Variants in ADHFE1 observed in about 807,000 individuals in gnomAD.
ADHFE1 encodes hydroxyacid-oxoacid transhydrogenase, mitochondrial.
A neutral mutation model predicts 54.8 loss-of-function variants in ADHFE1; 37 were observed. The observed-to-expected ratio is 0.68, with a 90% CI of 0.52 to 0.89. The LOEUF is 0.89. ADHFE1 is among the 40% of genes least tolerant of loss of function. The probability of loss-of-function intolerance (pLI) is 0.00; values close to 1 mark genes in which losing one functional copy is unlikely to be tolerated. For missense variants in ADHFE1, 601 were observed against 591.2 expected (o/e 1.02, Z -0.17); for synonymous variants, 203 against 229.3 (o/e 0.89, Z 1.04).
intron 2 of ADHFE1, among the ~76,000 whole-genome samples, chr8:66,442,374 G>A (rs1269063660): frequency 2.7e-5 from 4 of 148,148 alleles, no homozygotes; most frequent in Admixed American, 6.8e-5. Context: ...GCAGTGGCGC[G>A]ATCTCGGCTC....
chr8:66,435,293 G>A (rs554261740), intron 1 of ADHFE1, among the ~76,000 whole-genome samples: 10 of 152,286 alleles, frequency 6.6e-5, no homozygotes, highest in East Asian at 1.9e-4. Flanking sequence ...CAGTTCCAGA[G>A]GTCAAAAGTC....
intron 13 of ADHFE1, among the ~76,000 whole-genome samples, chr8:66,463,447 C>T (rs1373686446): frequency 6.6e-6 from 1 of 152,206 alleles, no homozygotes; most frequent in Non-Finnish European, 1.5e-5. Flanking sequence ...ATCATGTTTT[C>T]ATGATTCAGA....
At chr8:66,446,776 C>T (rs1806055192) in intron 6 of ADHFE1, among the ~76,000 whole-genome samples, 1 of 152,186 alleles carries the variant, frequency 6.6e-6, no homozygotes, top group Non-Finnish European at 1.5e-5. Flanking sequence ...GGACATCATA[C>T]ATGCATGCTA....
intron 10 of ADHFE1, among the ~76,000 whole-genome samples, chr8:66,456,196 C>T (rs1043341031): frequency 3.9e-5 from 6 of 152,182 alleles, no homozygotes; most frequent in African/African-American, 1.4e-4. Context: ...TTCTTGATGT[C>T]AACTAAATCT....
intron 1 of ADHFE1, among the ~76,000 whole-genome samples, chr8:66,435,857 TC>T (rs1805434911): frequency 6.6e-6 from 1 of 151,232 alleles, no homozygotes; most frequent in Non-Finnish European, 1.5e-5. Context: ...AGTCTTCCCA[TC>T]TTGGCCTCCC....
At chr8:66,454,980 G>C (rs1806501994) in intron 10 of ADHFE1, among the ~76,000 whole-genome samples, 1 of 152,010 alleles carries the variant, frequency 6.6e-6, no homozygotes, top group South Asian at 2.1e-4. Flanking sequence ...ACCCCTCAAA[G>C]TGCTGGAATT....
In ADHFE1 at chr8:66,457,053, A is replaced by C; in HGVS notation, c.1066-17A>C. On this transcript the variant is annotated splice_polypyrimidine_tract_variant and intron_variant, in intron 11 of 13. Coordinates refer to ENST00000396623, the MANE Select transcript of ADHFE1 (RefSeq NM_144650.3). ...AGCTTTGTCATCTGCCGGTCACCGC[A>C]TTTCGTTTCTCCCCAGCCCCATGGC... 2 of 1,608,868 alleles carry C rather than the reference A, an allele frequency of 1.2e-6. No homozygotes were observed. Among genetic ancestry groups the C allele is most frequent in the Non-Finnish European group, 1.7e-6 (2 of 1,176,840 alleles).
intron 12 of ADHFE1, among the ~76,000 whole-genome samples, chr8:66,458,247 T>C (rs1233862000): frequency 2.6e-5 from 4 of 152,246 alleles, no homozygotes; most frequent in Non-Finnish European, 4.4e-5. Flanking sequence ...AACTTCATTA[T>C]GCTCTCCTAG....
At chr8:66,456,985 A>C in intron 11 of ADHFE1, 85 bp from the exon 12 acceptor site, 1 of 1,503,804 alleles carries the variant, frequency 6.6e-7, no homozygotes, top group South Asian at 1.3e-5. Flanking sequence ...TGCTTAGAGT[A>C]TGGGGTAAAG....
At position 66,451,978 on chromosome 8, in the gene ADHFE1, C is replaced by A. The variant is rs769679865; in HGVS notation, c.760C>A (p.Leu254Met). Residue 254 changes from leucine to methionine, a missense_variant, in exon 9 of 14, where the codon CTG (leucine) becomes ATG (methionine). Coordinates refer to ENST00000396623, the MANE Select transcript of ADHFE1 (RefSeq NM_144650.3). ...CCATGCCCTGGAGTCATACACCACC[C>A]TGCCCTACCACCTGCGGAGCCCCTG... is the stretch of plus-strand genomic sequence containing the variant. Reference protein sequence around the residue: ...LCHALESYTTLPYHLRSPCPS... With the variant: ...LCHALESYTTMPYHLRSPCPS... The A allele has an allele frequency of 6.2e-7, 1 of 1,614,182 alleles. No individual in the cohort carries two copies. Among genetic ancestry groups the A allele is most frequent in the Non-Finnish European group, 8.5e-7 (1 of 1,180,032 alleles).
intron 10 of ADHFE1, among the ~76,000 whole-genome samples, chr8:66,455,800 G>C (rs1233923862): frequency 6.6e-6 from 1 of 152,150 alleles, no homozygotes; most frequent in Non-Finnish European, 1.5e-5. Context: ...GTGCATGCCT[G>C]TAGTCCCAGC....
rs1805672981 is a variant in ADHFE1 at position 66,440,133 on chromosome 8, TTTTTTGCTGTCG to T, written c.60-23_60-12del. 6.2e-7 allele frequency: 1 copy of T among 1,608,790 alleles called. No individual in the cohort carries two copies. Among genetic ancestry groups the T allele is most frequent in the African/African-American group, 1.3e-5 (1 of 74,408 alleles). On this transcript the variant is annotated splice_polypyrimidine_tract_variant and intron_variant, in intron 1 of 13. Transcript: ENST00000396623. Reference sequence around the variant, plus strand: ...TTGGTCTCTATTTTCACCTTAGGTTTTTTTTGCTGTCGTTTTTATTTTCCCTAGGTGCCAGTG... The same window carrying T: ...TTGGTCTCTATTTTCACCTTAGGTTTTTTTTATTTTCCCTAGGTGCCAGTG...
intron 1 of ADHFE1, 36 bp from the exon 2 acceptor site, chr8:66,440,126 T>G (rs1012231411): frequency 1.9e-6 from 3 of 1,605,958 alleles, no homozygotes; most frequent in African/African-American, 1.3e-5. Flanking sequence ...TATTTTCACC[T>G]TAGGTTTTTT....
At chr8:66,454,552 C>T (rs1806472321) in intron 10 of ADHFE1, among the ~76,000 whole-genome samples, 1 of 151,988 alleles carries the variant, frequency 6.6e-6, no homozygotes, top group South Asian at 2.1e-4. Context: ...TTAAAATGTA[C>T]AGAACATTAG....
At chr8:66,438,459 C>T (rs979260453) in intron 1 of ADHFE1, among the ~76,000 whole-genome samples, 2 of 152,084 alleles carry the variant, frequency 1.3e-5, no homozygotes, top group African/African-American at 4.8e-5. Context: ...AAGTAGGGGT[C>T]CTGGGAGCCA....
chr8:66,454,246 T>G, intron 10 of ADHFE1, 89 bp downstream of exon 10: 1 of 1,275,428 alleles, frequency 7.8e-7, no homozygotes, highest in East Asian at 2.4e-5. Flanking sequence ...TGGTAAAATT[T>G]AAATATGCTA....
In ADHFE1 at chr8:66,468,445, A is replaced by G. The variant is rs545153791; in HGVS notation, c.*93A>G. On this transcript the variant is annotated 3_prime_UTR_variant, in exon 14 of 14. Transcript: ENST00000396623. The stretch of plus-strand genomic sequence containing the variant: ...GGGCTTTGTCTTTTCATCTTTGCGC[A>G]TAACTTACCTGTTACCAGTATAGGT... 1.0e-5 allele frequency: 10 copies of G among 980,576 alleles called. No homozygotes were observed. The highest frequency in any genetic ancestry group is 1.7e-5 in the African/African-American group (1 of 58,788). 60.7% of individuals were successfully genotyped at this position (980,576 alleles called of 1,614,324 possible).
intron 13 of ADHFE1, among the ~76,000 whole-genome samples, chr8:66,466,252 T>G (rs1730591458): frequency 6.9e-6 from 1 of 145,148 alleles, no homozygotes; most frequent in Non-Finnish European, 1.5e-5. Context: ...TTTTTTTTTT[T>G]TTTTTGTATT....
At chr8:66,454,387 T>C (rs1806463551) in intron 10 of ADHFE1, among the ~76,000 whole-genome samples, 1 of 152,196 alleles carries the variant, frequency 6.6e-6, no homozygotes, top group Non-Finnish European at 1.5e-5. Context: ...ATGTATTCTT[T>C]TGTGTTCCTA....
Sources: allele counts gnomAD v4.1 joint callset (sites outside exome capture counted in the v4.1 genomes callset), GRCh38; gene constraint gnomAD v4.1.1; transcripts MANE v1.5; gene names NCBI Gene and HGNC (gene_info 2026-07-23, HGNC 2026-07-21).